Variants in BTG4 observed in about 807,000 individuals in gnomAD.
BTG4 encodes the protein BTG anti-proliferation factor 4, also known as protein BTG4.
In BTG4, 10 loss-of-function variants were observed where a neutral mutation model predicts 19.3. The observed-to-expected ratio is 0.52, with a 90% CI of 0.32 to 0.88. The LOEUF (loss-of-function observed/expected upper bound fraction) is 0.88, where lower values mean the gene tolerates loss of function less well. BTG4 is among the 40% of genes least tolerant of loss of function. The pLI, the probability that BTG4 is intolerant of heterozygous loss-of-function variation, is 0.04. For synonymous variants in BTG4, 91 were observed against 95.7 expected (o/e 0.95, Z 0.29); for missense variants, 238 against 281.9 (o/e 0.84, Z 1.11).
Position 111,498,768 on chromosome 11 carries a change from A to T in BTG4, c.9T>A (p.Asp3Glu), listed in dbSNP as rs746944631. The T allele has an allele frequency of 5.6e-6, 9 of 1,609,682 alleles. No individual in the cohort carries two copies. The highest frequency in any genetic ancestry group is 2.2e-5 in the South Asian group (2 of 90,100). Residue 3 changes from aspartate (D) to glutamate (E), a missense_variant, in exon 2 of 5, where the codon GAT becomes GAA. Asp to Glu is a conservative substitution (Grantham distance 45). Transcript: ENST00000692032. ...CAAAGAAAACTGTTGTTGCAATTTC[A>T]TCTCTCATGATTCAAGAAAAATAGA... MR[D>E]EIATTVFFVT...
At chr11:111,455,203 G>A in the BTG4 span, 2 of 383,338 alleles carry the variant, frequency 5.2e-6, no homozygotes, top group Non-Finnish European at 1.1e-5. Context: ...CATCTCCCTG[G>A]CCCTAAAGCT....
the BTG4 span, among the ~76,000 whole-genome samples, chr11:111,434,726 C>T: frequency 4.6e-5 from 7 of 151,454 alleles, no homozygotes; most frequent in East Asian, 1.9e-4. Flanking sequence ...AAAGTTTGTC[C>T]GTAGTGAATT....
At chr11:111,490,933 A>C (rs1173745684), downstream of BTG4, among the ~76,000 whole-genome samples, 1 of 152,256 alleles carries the variant, frequency 6.6e-6, no homozygotes, top group East Asian at 1.9e-4. Context: ...TTGTCTACAC[A>C]AATGTTTGTA....
At chr11:111,510,259 T>G (rs1431219495) in intron 1 of BTG4, among the ~76,000 whole-genome samples, 1 of 152,154 alleles carries the variant, frequency 6.6e-6, no homozygotes, top group Non-Finnish European at 1.5e-5. Flanking sequence ...GTCTTGTATC[T>G]AGAAGTGGTA....
chr11:111,480,368 T>C (rs1456701133), intron 5 of BTG4, among the ~76,000 whole-genome samples: 2 of 152,044 alleles, frequency 1.3e-5, no homozygotes, highest in South Asian at 4.1e-4. Flanking sequence ...ACAATTATAG[T>C]TGGAGACTTC....
chr11:111,406,928 T>A, the BTG4 span, among the ~76,000 whole-genome samples: 3 of 152,148 alleles, frequency 2.0e-5, no homozygotes, highest in Non-Finnish European at 4.4e-5. Context: ...TCATTTCACA[T>A]CCTACTCTTG....
chr11:111,455,551 A>C, the BTG4 span: 3 of 252,276 alleles, frequency 1.2e-5, no homozygotes, highest in African/African-American at 6.7e-5. Flanking sequence ...AGGGAGGTTC[A>C]GCAGCAGTTG....
intron 3 of BTG4, 55 bp downstream of exon 3, chr11:111,497,943 G>A (rs1353834163): frequency 1.3e-6 from 2 of 1,573,330 alleles, no homozygotes; most frequent in African/African-American, 2.7e-5. Context: ...ATGTAAAGTT[G>A]TCTAACTTAA....
chr11:111,451,555 G>A, the BTG4 span: 4 of 332,230 alleles, frequency 1.2e-5, no homozygotes, highest in African/African-American at 2.1e-5. Flanking sequence ...CACCTGGGTC[G>A]GAAGTTCGAG....
chr11:111,395,342 A>T, the BTG4 span, among the ~76,000 whole-genome samples: 1 of 152,156 alleles, frequency 6.6e-6, no homozygotes, highest in African/African-American at 2.4e-5. Context: ...ACACTAGCCC[A>T]TTGTTCTTCC....
At chr11:111,410,525 T>C in the BTG4 span, among the ~76,000 whole-genome samples, 1 of 152,174 alleles carries the variant, frequency 6.6e-6, no homozygotes, top group African/African-American at 2.4e-5. Flanking sequence ...TTGACCTAAT[T>C]TGTTGCTGTC....
chr11:111,429,794 C>T, the BTG4 span, among the ~76,000 whole-genome samples: 1 of 152,224 alleles, frequency 6.6e-6, no homozygotes. Context: ...AAAGGGGCAA[C>T]TCCCCCACTT....
the BTG4 span, among the ~76,000 whole-genome samples, chr11:111,425,540 G>A: frequency 3.9e-5 from 6 of 152,140 alleles, no homozygotes; most frequent in African/African-American, 7.2e-5. Context: ...TATCTGGCCC[G>A]ATAGTAGAAG....
the BTG4 span, among the ~76,000 whole-genome samples, chr11:111,390,224 C>CCATT: frequency 6.6e-6 from 1 of 152,208 alleles, no homozygotes; most frequent in African/African-American, 2.4e-5. Context: ...ATCCATCCAT[C>CCATT]CATTCATTCA....
intron 1 of BTG4, among the ~76,000 whole-genome samples, chr11:111,501,515 C>T (rs1866077955): frequency 6.6e-6 from 1 of 151,624 alleles, no homozygotes; most frequent in Non-Finnish European, 1.5e-5. Flanking sequence ...GTTAAGGATA[C>T]AAAAATAGAT....
chr11:111,483,939 C>G (rs1864894557), intron 5 of BTG4, among the ~76,000 whole-genome samples: 1 of 151,868 alleles, frequency 6.6e-6, no homozygotes, highest in Non-Finnish European at 1.5e-5. Flanking sequence ...ATAATGAAAC[C>G]CTTAAAGAAC....
At chr11:111,456,517 C>G in the BTG4 span, 1 of 456,384 alleles carries the variant, frequency 2.2e-6, no homozygotes, top group South Asian at 1.5e-5. This position sits in a 1 kb window ranked among gnomAD's most constrained non-coding sequence, Gnocchi z 4.2. Context: ...TCCTGCAGCC[C>G]CAGCAGGCCC....
chr11:111,395,774 C>T, the BTG4 span, among the ~76,000 whole-genome samples: 2 of 152,222 alleles, frequency 1.3e-5, no homozygotes, highest in Non-Finnish European at 2.9e-5. Context: ...CAGGCAGCCC[C>T]ACAAGCATCT....
chr11:111,398,530 T>C, the BTG4 span, among the ~76,000 whole-genome samples: 1 of 152,160 alleles, frequency 6.6e-6, no homozygotes, highest in Admixed American at 6.5e-5. Flanking sequence ...CTCGGCTCAC[T>C]GCATGCTCTG....
Sources: allele counts gnomAD v4.1 joint callset (sites outside exome capture counted in the v4.1 genomes callset), GRCh38; gene constraint gnomAD v4.1.1; non-coding constraint Gnocchi (gnomAD v3.1); transcripts MANE v1.5; gene names NCBI Gene and HGNC (gene_info 2026-07-23, HGNC 2026-07-21).